Variants in MCPH1 observed in about 807,000 individuals in gnomAD.
The protein encoded by MCPH1 is microcephalin.
MCPH1 carries 104 observed loss-of-function variants against 84.5 expected under a neutral mutation model. The observed-to-expected ratio is 1.23, with a 90% CI of 1.05 to 1.45. The LOEUF is 1.45. Among genes scored for constraint, MCPH1 ranks in the 40% most tolerant of loss-of-function variants. The pLI is 0.00. For synonymous variants in MCPH1, 514 were observed against 366.8 expected (o/e 1.40, Z -4.58); for missense variants, 1,498 against 1,005.7 (o/e 1.49, Z -6.62).
chr8:6,439,676 C>G (rs1803222761), intron 6 of MCPH1, among the ~76,000 whole-genome samples: 1 of 152,076 alleles, frequency 6.6e-6, no homozygotes, highest in Non-Finnish European at 1.5e-5. Flanking sequence ...GGACTGTAAT[C>G]CAGGCGTGAG....
chr8:6,416,434 G>T (rs1361510161), intron 3 of MCPH1, among the ~76,000 whole-genome samples: 2 of 152,174 alleles, frequency 1.3e-5, no homozygotes, highest in Non-Finnish European at 2.9e-5. Flanking sequence ...TCGTATGATG[G>T]TAACTGTGGT....
At chr8:6,588,522 C>A (rs973642124) in intron 12 of MCPH1, among the ~76,000 whole-genome samples, 3 of 152,174 alleles carry the variant, frequency 2.0e-5, no homozygotes, top group Non-Finnish European at 2.9e-5. Context: ...TCAGACATCT[C>A]CCAGGGAGGC....
At chr8:6,510,648 A>G (rs1318781342) in intron 12 of MCPH1, among the ~76,000 whole-genome samples, 1 of 152,062 alleles carries the variant, frequency 6.6e-6, no homozygotes, top group Admixed American at 6.6e-5. Flanking sequence ...CCGAGGTCAG[A>G]CTCTTAAGTC....
intron 11 of MCPH1, among the ~76,000 whole-genome samples, chr8:6,489,099 A>C (rs1810275680): frequency 6.6e-6 from 1 of 152,174 alleles, no homozygotes; most frequent in Admixed American, 6.5e-5. Flanking sequence ...GGTACAATAA[A>C]AAATTGATGT....
At chr8:6,562,552 C>CTTTTTTTGTTTTTTTTTTT (rs1825704138) in intron 12 of MCPH1, 1 of 71,748 alleles carries the variant, frequency 1.4e-5, no homozygotes, top group Non-Finnish European at 2.6e-5. Flanking sequence ...CATCCTCCTT[C>CTTTTTTTGTTTTTTTTTTT]TTTTTTTTTT....
intron 12 of MCPH1, chr8:6,514,840 A>T: frequency 7.0e-7 from 1 of 1,418,462 alleles, no homozygotes; most frequent in South Asian, 1.2e-5. Flanking sequence ...TACGTAGCAG[A>T]AGCAGGAGGA....
At chr8:6,528,837 G>A (rs2515467) in intron 12 of MCPH1, among the ~76,000 whole-genome samples, 10,535 of 152,256 alleles carry the variant, frequency 0.069, 429 homozygotes, top group African/African-American at 0.1. Flanking sequence ...CCACAGCGTG[G>A]GTTTCAGGGA....
chr8:6,624,343 C>T (rs1831834253), intron 13 of MCPH1, among the ~76,000 whole-genome samples: 1 of 152,228 alleles, frequency 6.6e-6, no homozygotes, highest in Non-Finnish European at 1.5e-5. Context: ...GTGTGTGCTG[C>T]AGACCTCACC....
Position 6,406,707 on chromosome 8 carries a change from G to C in MCPH1, c.22+18G>C. 2 of 1,611,830 alleles carry C rather than the reference G, an allele frequency of 1.2e-6. No homozygotes were observed. The highest frequency in any genetic ancestry group is 1.3e-5 in the African/African-American group (1 of 75,034). On this transcript the variant is annotated intron_variant, in intron 1 of 13. Coordinates refer to ENST00000344683, the MANE Select transcript of MCPH1 (RefSeq NM_024596.5). The stretch of plus-strand genomic sequence containing the variant: ...CCTGAAAGGTGAGGTACTTCCTGCT[G>C]CCTGCTCCAGCAGCGGGAGTTTGAG...
chr8:6,410,608 C>T (rs137920465), intron 2 of MCPH1, among the ~76,000 whole-genome samples: 1 of 152,172 alleles, frequency 6.6e-6, no homozygotes, highest in African/African-American at 2.4e-5. Context: ...ATCTTTTGCC[C>T]ACGCACACTA....
intron 13 of MCPH1, among the ~76,000 whole-genome samples, chr8:6,628,587 T>A (rs1404791178): frequency 6.6e-6 from 1 of 152,022 alleles, no homozygotes. Context: ...CAACATTTTA[T>A]GTGTATTAGA....
At chr8:6,460,436 G>A (rs772102191) in intron 9 of MCPH1, among the ~76,000 whole-genome samples, 2 of 151,736 alleles carry the variant, frequency 1.3e-5, no homozygotes, top group African/African-American at 4.8e-5. Flanking sequence ...GGCTGGTCTC[G>A]AACGCCTGGT....
At chr8:6,517,881 A>G (rs561713907) in intron 12 of MCPH1, among the ~76,000 whole-genome samples, 121 of 152,336 alleles carry the variant, frequency 7.9e-4, no homozygotes, top group African/African-American at 2.7e-3. Context: ...AGAAGTAACA[A>G]TTGACACCAC....
intron 12 of MCPH1, among the ~76,000 whole-genome samples, chr8:6,504,369 T>C (rs2129563858): frequency 6.6e-6 from 1 of 151,582 alleles, no homozygotes; most frequent in East Asian, 1.9e-4. Context: ...CATGCCGTTC[T>C]GAGTAACGGG....
chr8:6,604,334 G>A (rs1009351186), intron 12 of MCPH1, among the ~76,000 whole-genome samples: 4 of 152,226 alleles, frequency 2.6e-5, no homozygotes, highest in Admixed American at 6.5e-5. Flanking sequence ...ACTTTTGACC[G>A]AGAAGTAGAA....
At chr8:6,424,344 A>T (rs1241689628) in intron 3 of MCPH1, among the ~76,000 whole-genome samples, 1 of 152,226 alleles carries the variant, frequency 6.6e-6, no homozygotes, top group Non-Finnish European at 1.5e-5. Context: ...CTAGGCTGAG[A>T]GTTGGTTGCT....
At position 6,455,260 on chromosome 8, in the gene MCPH1, T is replaced by C; in HGVS notation, c.1935+8T>C. 1 of 1,575,934 alleles carries C rather than the reference T, an allele frequency of 6.3e-7. No individual in the cohort carries two copies. The highest frequency in any genetic ancestry group is 1.1e-5 in the South Asian group (1 of 90,356). ...AGTGGGAGAGGCAAAAAGGTCAGTG[T>C]GTAAAAATATTATTTTAAACTTTCA... On this transcript the variant is annotated splice_region_variant and intron_variant, in intron 9 of 13. Coordinates refer to ENST00000344683, the MANE Select transcript of MCPH1 (RefSeq NM_024596.5).
At chr8:6,493,140 A>C (rs576348018) in intron 11 of MCPH1, among the ~76,000 whole-genome samples, 1 of 152,334 alleles carries the variant, frequency 6.6e-6, no homozygotes, top group African/African-American at 2.4e-5. Context: ...AGAAGTACGC[A>C]CTTAGTTATT....
At chr8:6,415,295 C>CTTCTTTTT (rs1799108006) in intron 3 of MCPH1, among the ~76,000 whole-genome samples, 1 of 145,224 alleles carries the variant, frequency 6.9e-6, no homozygotes, top group African/African-American at 2.6e-5. Context: ...TTGGTATCTT[C>CTTCTTTTT]TTTTTTTTTT....
Sources: allele counts gnomAD v4.1 joint callset (sites outside exome capture counted in the v4.1 genomes callset), GRCh38; gene constraint gnomAD v4.1.1; transcripts MANE v1.5; gene names NCBI Gene and HGNC (gene_info 2026-07-23, HGNC 2026-07-21).